PRKCH: variants seen among roughly 807,000 people sequenced by gnomAD.
PRKCH encodes protein kinase C eta type.
PRKCH carries 28 observed loss-of-function variants against 82.5 expected under a neutral mutation model. The ratio of observed to expected loss-of-function variants is 0.34; its 90% confidence interval spans 0.25 to 0.47. PRKCH has a LOEUF of 0.47. PRKCH is among the 20% of genes least tolerant of loss of function. PRKCH has a pLI of 1.00. For missense variants in PRKCH, 705 were observed against 881.8 expected, an observed-to-expected ratio of 0.80 and a Z score of 2.54; for synonymous variants, 322 against 327.4, an observed-to-expected ratio of 0.98 and a Z score of 0.18.
In PRKCH at chr14:61,355,963, G is replaced by C. The variant is rs193259017; in HGVS notation, c.363+33499G>C. On this transcript the variant is annotated intron_variant, in intron 1 of 13. Transcript: ENST00000332981. ...TTATACTTGGTAGAAACTGGCAAGT[G>C]ACTCACCAGGGGTGGAAGCCTGGAA... Among the ~76,000 whole-genome samples the C allele has an allele frequency of 9.7e-4, 148 of 152,292 alleles. 2 individuals carry two copies. Among genetic ancestry groups the C allele is most frequent in the Non-Finnish European group, 2.6e-4 (18 of 68,018 alleles).
At chr14:61,530,680 A>G (rs993957090) in intron 12 of PRKCH, 85 bp downstream of exon 12, 2 of 1,243,262 alleles carry the variant, frequency 1.6e-6, no homozygotes, top group Non-Finnish European at 2.2e-6. Context: ...AGTACTTCCC[A>G]CCAGTAAACC....
At chr14:61,249,722 G>A (rs1297097094) in intron 1 of PRKCH, among the ~76,000 whole-genome samples, 1 of 151,888 alleles carries the variant, frequency 6.6e-6, no homozygotes, top group African/African-American at 2.4e-5. Context: ...CTGGATTCAA[G>A]CGATTCTCCT....
At position 61,301,336 on chromosome 14, in the gene PRKCH, C is replaced by G. The variant is rs570368814; in HGVS notation, c.-19+113668C>G. Among the ~76,000 whole-genome samples, 83 of 152,244 alleles carry G rather than the reference C, an allele frequency of 5.5e-4. 1 individual carries two copies. The highest frequency in any genetic ancestry group is 9.6e-4 in the Non-Finnish European group (65 of 68,020). On this transcript the variant is annotated intron_variant, in intron 1 of 3. Transcript: ENST00000555185. ...ATATGATTGGGTTTGAACTTTGGAA[C>G]TTTTATTCAGAAGGAAAATAAACAT...
intron 1 of PRKCH, chr14:61,304,549 G>A (rs2045471519): frequency 6.6e-6 from 1 of 152,014 alleles, no homozygotes; most frequent in African/African-American, 2.4e-5. Flanking sequence ...TTCTGGCCAG[G>A]TGTGGTGGCT....
At chr14:61,438,248 G>A (rs1251298183) in intron 2 of PRKCH, among the ~76,000 whole-genome samples, 22 of 152,146 alleles carry the variant, frequency 1.4e-4, no homozygotes, top group Admixed American at 1.4e-3. Context: ...ATAGAAGGCT[G>A]TTCTGTTTTC....
chr14:61,537,013 A>G (rs74824799), intron 12 of PRKCH, among the ~76,000 whole-genome samples: 1,695 of 152,304 alleles, frequency 0.011, 34 homozygotes, highest in African/African-American at 0.039. Context: ...GGGTAGCTTG[A>G]GCACACTTAG....
At chr14:61,483,158 G>T (rs1362697063) in intron 9 of PRKCH, among the ~76,000 whole-genome samples, 1 of 152,230 alleles carries the variant, frequency 6.6e-6, no homozygotes, top group East Asian at 1.9e-4. Context: ...CCTCCAAATG[G>T]ACAGATACAG....
At chr14:61,378,925 C>T (rs2046461174) in intron 1 of PRKCH, among the ~76,000 whole-genome samples, 1 of 152,184 alleles carries the variant, frequency 6.6e-6, no homozygotes, top group Non-Finnish European at 1.5e-5. Context: ...ACATGAATTC[C>T]CACCACCAGC....
intron 1 of PRKCH, among the ~76,000 whole-genome samples, chr14:61,388,305 A>G (rs2046620853): frequency 6.6e-6 from 1 of 152,220 alleles, no homozygotes; most frequent in South Asian, 2.1e-4. Context: ...ACACTTGAAG[A>G]CCGTGTTTAA....
At chr14:61,525,301 A>T (rs1410404045) in intron 10 of PRKCH, 1 of 152,230 alleles carries the variant, frequency 6.6e-6, no homozygotes, top group Non-Finnish European at 1.5e-5. Flanking sequence ...CCCTCTTGGG[A>T]TCCCAGTTTG....
chr14:61,231,593 C>T (rs886259331), intron 1 of PRKCH, among the ~76,000 whole-genome samples: 9 of 151,982 alleles, frequency 5.9e-5, no homozygotes, highest in African/African-American at 1.9e-4. Flanking sequence ...AGGATGGTCT[C>T]GATCTCCTGA....
In PRKCH at chr14:61,403,760, C is replaced by T. The variant is rs149555164; in HGVS notation, c.427+12472C>T. On this transcript the variant is annotated intron_variant, in intron 2 of 13. Transcript: ENST00000332981. Reference sequence around the variant, plus strand: ...GACACATTTCTATGGCACTCGCTTACTGACTAGCATTCTCCTTTTCTAATC... The same window carrying T: ...GACACATTTCTATGGCACTCGCTTATTGACTAGCATTCTCCTTTTCTAATC... Among the ~76,000 whole-genome samples the T allele has an allele frequency of 6.8e-3, 1,029 of 152,268 alleles. 14 individuals are homozygous for T. Among genetic ancestry groups the T allele is most frequent in the African/African-American group, 0.019 (779 of 41,556 alleles).
Position 61,190,512 on chromosome 14 carries a change from C to T in PRKCH, c.-19+2844C>T, listed in dbSNP as rs535688206. On this transcript the variant is annotated intron_variant, in intron 1 of 3. Transcript: ENST00000555185. ...TCAAGAGAAAACAAGCAAACAAAAACCCCAGGAATTCCAGATTATGTCATT... is the reference window on the plus strand; with the variant it reads ...TCAAGAGAAAACAAGCAAACAAAAATCCCAGGAATTCCAGATTATGTCATT... 2.0e-5 allele frequency among the ~76,000 whole-genome samples: 3 copies of T among 152,294 alleles called. No homozygotes were observed. In the East Asian group the frequency reaches 5.8e-4, roughly 29 times the overall value.
intron 1 of PRKCH, among the ~76,000 whole-genome samples, chr14:61,286,283 T>A (rs973019997): frequency 3.9e-5 from 6 of 152,094 alleles, no homozygotes; most frequent in South Asian, 4.2e-4. Flanking sequence ...AAAAAAATTC[T>A]TTGTGCCTGG....
intron 1 of PRKCH, among the ~76,000 whole-genome samples, chr14:61,246,398 ACT>A (rs2044883409): frequency 8.3e-6 from 1 of 119,868 alleles, no homozygotes; most frequent in Non-Finnish European, 1.7e-5. Context: ...ACAGAGTGAG[ACT>A]CTGTCTCAAA....
Position 61,389,277 on chromosome 14 carries a change from G to A in PRKCH, c.364-1948G>A, listed in dbSNP as rs564835100. On this transcript the variant is annotated intron_variant, in intron 1 of 13. Coordinates refer to ENST00000332981, the MANE Select transcript of PRKCH (RefSeq NM_006255.5). Reference sequence around the variant, plus strand: ...AGGCAGGAAAATCACTTGAACCCAGGTGGTCGAGGCTACAGTGAGTCATGA... The same window carrying A: ...AGGCAGGAAAATCACTTGAACCCAGATGGTCGAGGCTACAGTGAGTCATGA... 2.6e-5 allele frequency among the ~76,000 whole-genome samples: 4 copies of A among 152,192 alleles called. No homozygotes were observed. The East Asian group carries it at 7.7e-4, about 29-fold the overall frequency.
chr14:61,316,010 A>T (rs1177385831), intron 1 of PRKCH, among the ~76,000 whole-genome samples: 4 of 151,858 alleles, frequency 2.6e-5, no homozygotes, highest in African/African-American at 7.2e-5. Flanking sequence ...GGCCTCCCAA[A>T]CTGCTGGGAT....
chr14:61,271,026 C>T (rs796076555), intron 1 of PRKCH, among the ~76,000 whole-genome samples: 1 of 152,174 alleles, frequency 6.6e-6, no homozygotes, highest in South Asian at 2.1e-4. Context: ...AAGTCTTAGA[C>T]TCCCTGGCAA....
chr14:61,521,568 T>A (rs1218599126), intron 10 of PRKCH, among the ~76,000 whole-genome samples: 2 of 149,422 alleles, frequency 1.3e-5, no homozygotes, highest in Non-Finnish European at 3.0e-5. Context: ...TATTTTATTT[T>A]ATTAATTTTT....
Sources: allele counts gnomAD v4.1 joint callset (sites outside exome capture counted in the v4.1 genomes callset), GRCh38; gene constraint gnomAD v4.1.1; transcripts MANE v1.5; gene names NCBI Gene and HGNC (gene_info 2026-07-23, HGNC 2026-07-21).